Variants in DIS3L2 observed in about 807,000 individuals in gnomAD.
The protein encoded by DIS3L2 is DIS3-like exonuclease 2.
In DIS3L2, 34 loss-of-function variants were observed where a neutral mutation model predicts 97.5. The observed-to-expected ratio is 0.35, with a 90% CI of 0.27 to 0.46. DIS3L2 has a LOEUF of 0.46. DIS3L2 is among the 20% of genes least tolerant of loss of function. DIS3L2 has a pLI of 1.00. For missense variants in DIS3L2, 1,038 were observed against 1,146.0 expected (o/e 0.91, Z 1.36); for synonymous variants, 435 against 445.2 (o/e 0.98, Z 0.29).
intron 1 of DIS3L2, among the ~76,000 whole-genome samples, chr2:231,993,898 CT>C (rs541007247): frequency 2.6e-4 from 39 of 151,244 alleles, no homozygotes; most frequent in Admixed American, 9.2e-4. Context: ...AACAATTTAT[CT>C]TTTTTTTCCT....
chr2:232,162,835 GGTGGAAC>G (rs1559691785), intron 8 of DIS3L2, among the ~76,000 whole-genome samples: 36 of 152,152 alleles, frequency 2.4e-4, no homozygotes, highest in African/African-American at 8.4e-4. Context: ...CCTTCTGAAA[GGTGGAAC>G]CCTGTTCATA....
At chr2:232,176,246 T>A (rs1436039443) in intron 9 of DIS3L2, among the ~76,000 whole-genome samples, 1 of 152,222 alleles carries the variant, frequency 6.6e-6, no homozygotes, top group Non-Finnish European at 1.5e-5. Context: ...GGCATACCAT[T>A]GTTATTAGTA....
chr2:232,086,495 T>C (rs866149532), intron 5 of DIS3L2, among the ~76,000 whole-genome samples: 35 of 147,626 alleles, frequency 2.4e-4, no homozygotes, highest in African/African-American at 8.2e-4. Context: ...ACCTGTGATA[T>C]TTTCTCCATG....
chr2:232,126,717 A>G (rs1446016395), intron 6 of DIS3L2, among the ~76,000 whole-genome samples: 3 of 152,208 alleles, frequency 2.0e-5, no homozygotes, highest in African/African-American at 4.8e-5. Flanking sequence ...AGTTCTTTTT[A>G]CTAGGAAAGA....
rs553484136 is a variant in DIS3L2 at position 232,237,715 on chromosome 2, A to C, written c.1205-818A>C. Among the ~76,000 whole-genome samples the C allele has an allele frequency of 1.0e-4, 15 of 149,634 alleles. No homozygotes were observed. In the East Asian group the frequency reaches 2.6e-3, roughly 26 times the overall value. ...GGGGTGGTGGGGAGTTGGAGGAGACAGACAGGTGGAGGAAATGGTGGGAGG... is the reference window on the plus strand; with the variant it reads ...GGGGTGGTGGGGAGTTGGAGGAGACCGACAGGTGGAGGAAATGGTGGGAGG... On this transcript the variant is annotated intron_variant, in intron 10 of 20. Transcript: ENST00000325385.
intron 5 of DIS3L2, among the ~76,000 whole-genome samples, chr2:232,042,902 C>G (rs1425427433): frequency 3.3e-5 from 5 of 152,188 alleles, no homozygotes; most frequent in Non-Finnish European, 7.3e-5. Flanking sequence ...ATTCTAAGTG[C>G]TTGAGAGATG....
chr2:232,134,653 T>C (rs919947112), intron 7 of DIS3L2, among the ~76,000 whole-genome samples: 2 of 152,098 alleles, frequency 1.3e-5, no homozygotes, highest in East Asian at 3.9e-4. Flanking sequence ...AGTGAAACCC[T>C]GTCTCTACTA....
At chr2:232,334,187 G>A (rs555179842) in intron 17 of DIS3L2, among the ~76,000 whole-genome samples, 182 bp from the exon 18 acceptor site, 11 of 152,324 alleles carry the variant, frequency 7.2e-5, no homozygotes, top group African/African-American at 2.4e-4. Flanking sequence ...CCCACAGCCA[G>A]CCCTGGACAC....
chr2:232,078,001 CTTT>C (rs1696261690), intron 5 of DIS3L2, among the ~76,000 whole-genome samples: 1 of 126,474 alleles, frequency 7.9e-6, no homozygotes, highest in Non-Finnish European at 1.6e-5. Flanking sequence ...TTCTTTCTTT[CTTT>C]CTTTCTTTCT....
chr2:231,968,097 AT>A (rs34272468), intron 1 of DIS3L2, among the ~76,000 whole-genome samples: 305 of 134,604 alleles, frequency 2.3e-3, no homozygotes, highest in African/African-American at 2.5e-3. Flanking sequence ...CAGATAACTG[AT>A]TTTTTTTTTT....
At chr2:232,314,497 T>A (rs1695217004) in intron 14 of DIS3L2, among the ~76,000 whole-genome samples, 1 of 151,916 alleles carries the variant, frequency 6.6e-6, no homozygotes. Context: ...CCCTCACTAT[T>A]CTCACACTCC....
chr2:232,192,456 A>G (rs1465453929), intron 9 of DIS3L2, among the ~76,000 whole-genome samples: 1 of 152,258 alleles, frequency 6.6e-6, no homozygotes, highest in African/African-American at 2.4e-5. Context: ...AAAATAAATC[A>G]GAAGCACTTC....
intron 1 of DIS3L2, among the ~76,000 whole-genome samples, chr2:231,984,651 C>T (rs1034971759): frequency 1.4e-4 from 21 of 152,082 alleles, no homozygotes; most frequent in Non-Finnish European, 2.1e-4. Context: ...CCTCGGCTTC[C>T]CAAAGTGCTG....
rs1419886627 is a variant in DIS3L2 at position 232,281,764 on chromosome 2, T to C, written c.1660-18276T>C. 2.0e-5 allele frequency among the ~76,000 whole-genome samples: 3 copies of C among 152,120 alleles called. No homozygotes were observed. The highest frequency in any genetic ancestry group is 1.3e-4 in the Admixed American group (2 of 15,276). On this transcript the variant is annotated intron_variant, in intron 13 of 20. Coordinates refer to ENST00000325385, the MANE Select transcript of DIS3L2 (RefSeq NM_152383.5). This position sits in a 1 kb window ranked among gnomAD's most constrained non-coding sequence, Gnocchi z 4.1. ...AAGAGCAGGCATTGGGTGGAGACCC[T>C]CCAGGCTTGAGGTGCGTGAGCTGCC...
At chr2:232,158,455 G>T (rs953804549) in intron 8 of DIS3L2, among the ~76,000 whole-genome samples, 1 of 152,014 alleles carries the variant, frequency 6.6e-6, no homozygotes, top group Non-Finnish European at 1.5e-5. Flanking sequence ...CTTTCAATTT[G>T]TTTTTTCTGT....
chr2:232,246,638 A>G (rs915948803), intron 11 of DIS3L2, among the ~76,000 whole-genome samples: 31 of 152,244 alleles, frequency 2.0e-4, no homozygotes, highest in African/African-American at 7.0e-4. Context: ...CAAGTCTCTC[A>G]GGTGGCAAAG....
chr2:232,109,223 ATCACTTGAGG>A (rs1489819172), intron 6 of DIS3L2, among the ~76,000 whole-genome samples: 2 of 152,146 alleles, frequency 1.3e-5, no homozygotes, highest in Non-Finnish European at 2.9e-5. Context: ...AGGCAGGCGG[ATCACTTGAGG>A]TCAGGATTTT....
intron 10 of DIS3L2, among the ~76,000 whole-genome samples, chr2:232,218,052 G>C (rs980009867): frequency 2.0e-5 from 3 of 152,132 alleles, no homozygotes; most frequent in Non-Finnish European, 4.4e-5. Flanking sequence ...CCCACAATCA[G>C]GCAAGGTAGG....
At chr2:232,043,719 G>A (rs1006369541) in intron 5 of DIS3L2, among the ~76,000 whole-genome samples, 2 of 152,090 alleles carry the variant, frequency 1.3e-5, no homozygotes, top group Admixed American at 6.6e-5. Flanking sequence ...TTAAGTTAAT[G>A]GTGTAGTAGT....
Sources: allele counts gnomAD v4.1 joint callset (sites outside exome capture counted in the v4.1 genomes callset), GRCh38; gene constraint gnomAD v4.1.1; non-coding constraint Gnocchi (gnomAD v3.1); transcripts MANE v1.5; gene names NCBI Gene and HGNC (gene_info 2026-07-23, HGNC 2026-07-21).